Variants in CCDC88A observed in about 807,000 individuals in gnomAD.
CCDC88A encodes the protein coiled-coil and HOOK domain protein 88A.
Under a neutral mutation model 234.3 loss-of-function variants are expected in CCDC88A, and 54 were observed. The observed-to-expected ratio is 0.23, with a 90% confidence interval of 0.19 to 0.29. The LOEUF (loss-of-function observed/expected upper bound fraction) is 0.29. Ranked by LOEUF, CCDC88A falls within the 10% of genes least tolerant of loss-of-function variation. The pLI, the probability that CCDC88A is intolerant of heterozygous loss-of-function variation, is 1.00. For missense variants in CCDC88A, 1,832 were observed against 2,123.4 expected, an observed-to-expected ratio of 0.86 and a Z score of 2.70; for synonymous variants, 753 against 737.8, an observed-to-expected ratio of 1.02 and a Z score of -0.33.
intron 8 of CCDC88A, 196 bp downstream of exon 8, chr2:55,355,382 TA>T (rs1230971961): frequency 3.8e-5 from 20 of 531,064 alleles, no homozygotes; most frequent in South Asian, 1.5e-4. Flanking sequence ...AGAAAGGCCA[TA>T]AATCCAGAAT....
At chr2:55,370,902 C>T (rs1672752793) in intron 5 of CCDC88A, among the ~76,000 whole-genome samples, 1 of 151,468 alleles carries the variant, frequency 6.6e-6, no homozygotes, top group Non-Finnish European at 1.5e-5. Flanking sequence ...GTTCCAGCTG[C>T]TCAGGAGCCT....
Position 55,312,527 on chromosome 2 carries a change from T to C in CCDC88A, c.3986A>G (p.Asp1329Gly). The C allele has an allele frequency of 1.2e-6, 2 of 1,611,390 alleles. No individual in the cohort carries two copies. The highest frequency in any genetic ancestry group is 1.7e-6 in the Non-Finnish European group (2 of 1,178,966). Residue 1329 changes from aspartate (D) to glycine (G), a missense_variant, in exon 23 of 33, where the codon GAT becomes GGT. Physicochemically the swap from Asp to Gly is moderately conservative, Grantham distance 94. Around this residue, in one of 6 missense-constraint regions of CCDC88A, gnomAD observed 1,282 missense variants for 1,543.6 expected, o/e 0.83. Coordinates refer to ENST00000436346, the MANE Select transcript of CCDC88A (RefSeq NM_001365480.1). The part of the protein sequence containing the change: ...NLEEENRHLL[D>G]QIQTLMLQNR... ...CTGTAGCATTAATGTCTGAATTTGA[T>C]CTAGTAGATGCCGATTTTCTTCTTC...
chr2:55,373,155 TC>T (rs1673086307), intron 4 of CCDC88A, among the ~76,000 whole-genome samples: 1 of 152,156 alleles, frequency 6.6e-6, no homozygotes, highest in Admixed American at 6.5e-5. Context: ...AAAAATCACT[TC>T]TTTGGGCCAG....
chr2:55,387,739 G>A (rs766954988), intron 3 of CCDC88A, among the ~76,000 whole-genome samples: 7 of 130,466 alleles, frequency 5.4e-5, no homozygotes, highest in African/African-American at 9.1e-5. Flanking sequence ...ATGAGATTGC[G>A]CCACTGCACT....
Position 55,332,557 on chromosome 2 carries a change from A to C in CCDC88A, c.2855+9T>G. On this transcript the variant is annotated intron_variant, in intron 16 of 32. Transcript: ENST00000436346. This position sits in a 1 kb window ranked among gnomAD's most constrained non-coding sequence, Gnocchi z 4.5. ...TTTCAACTGTTTGCCAAGTAGACTT[A>C]GTACTCACCTGTCATCAGTACTTTG... The C allele has an allele frequency of 1.9e-6, 3 of 1,606,642 alleles. No homozygotes were observed. Among genetic ancestry groups the C allele is most frequent in the Non-Finnish European group, 2.5e-6 (3 of 1,177,672 alleles).
At chr2:55,350,973 T>C (rs1272208971) in intron 8 of CCDC88A, among the ~76,000 whole-genome samples, 1 of 152,224 alleles carries the variant, frequency 6.6e-6, no homozygotes, top group Admixed American at 6.5e-5. Flanking sequence ...TTTTTAATGG[T>C]AGAAAAATAT....
At chr2:55,356,702 G>C (rs1670632582) in intron 7 of CCDC88A, 1 of 152,086 alleles carries the variant, frequency 6.6e-6, no homozygotes, top group African/African-American at 2.4e-5. Flanking sequence ...GGCCGAGGAG[G>C]GCAGATCATG....
At chr2:55,295,140 T>C (rs749407105) in intron 31 of CCDC88A, 9 of 1,306,270 alleles carry the variant, frequency 6.9e-6, no homozygotes, top group Middle Eastern at 2.1e-4. Context: ...GTCATCAGGA[T>C]AGAGGCATGC....
At chr2:55,371,500 T>C (rs1672841890) in intron 5 of CCDC88A, among the ~76,000 whole-genome samples, 1 of 152,126 alleles carries the variant, frequency 6.6e-6, no homozygotes, top group Non-Finnish European at 1.5e-5. Flanking sequence ...ATGGCTGAAA[T>C]GAAAAACATA....
intron 28 of CCDC88A, 28 bp from the exon 29 acceptor site, chr2:55,299,947 GATAAA>G: frequency 6.5e-7 from 1 of 1,529,266 alleles, no homozygotes; most frequent in Admixed American, 1.7e-5. Context: ...GAGACAGTGT[GATAAA>G]ACTTCTAGCT....
chr2:55,306,832 TC>T (rs1681635157), intron 25 of CCDC88A, among the ~76,000 whole-genome samples: 1 of 152,164 alleles, frequency 6.6e-6, no homozygotes, highest in Admixed American at 6.5e-5. Flanking sequence ...CGCCTCAGCC[TC>T]CCAAAGTGCT....
rs1201410777 is a variant in CCDC88A at position 55,401,418 on chromosome 2, A to G, written c.165-12532T>C. Among the ~76,000 whole-genome samples the G allele has an allele frequency of 1.7e-5, 2 of 119,842 alleles. 1 individual carries two copies. The highest frequency in any genetic ancestry group is 6.0e-5 in the African/African-American group (2 of 33,528). The allele number at this position is 119,842 out of a possible 152,430, so 78.6% of individuals were successfully genotyped here. A position where few individuals can be genotyped will look rare whatever the true frequency, so the allele number is the denominator to read the frequency against. ...CACTGCATTCCAGCCTGGATGACAG[A>G]GAAAGACTCTGTCTCCAAAAAAAAA... On this transcript the variant is annotated intron_variant, in intron 2 of 32. Transcript: ENST00000436346.
chr2:55,390,233 C>A (rs899510862), intron 2 of CCDC88A, among the ~76,000 whole-genome samples: 1 of 151,988 alleles, frequency 6.6e-6, no homozygotes. Flanking sequence ...AGATTCTTAT[C>A]TTTGCTTTTG....
chr2:55,357,080 A>G (rs1438007549), intron 7 of CCDC88A, among the ~76,000 whole-genome samples: 1 of 152,164 alleles, frequency 6.6e-6, no homozygotes, highest in African/African-American at 2.4e-5. Flanking sequence ...AATTATGAAC[A>G]ACGGTTCTTG....
At chr2:55,387,779 C>CAAAAAAAAAAAAAAAAAAAAAAAA (rs66479611) in intron 3 of CCDC88A, among the ~76,000 whole-genome samples, 10 of 64,852 alleles carry the variant, frequency 1.5e-4, no homozygotes, top group Non-Finnish European at 2.4e-4. Context: ...GGCTCCATCT[C>CAAAAAAAAAAAAAAAAAAAAAAAA]AAAAAAAAAA....
At chr2:55,382,202 A>G (rs919929645) in intron 3 of CCDC88A, among the ~76,000 whole-genome samples, 21 of 152,220 alleles carry the variant, frequency 1.4e-4, no homozygotes, top group African/African-American at 5.1e-4. Flanking sequence ...TATAACAGAC[A>G]TTAAAGAAAA....
At chr2:55,389,146 G>C (rs1392434785) in intron 2 of CCDC88A, among the ~76,000 whole-genome samples, 1 of 152,110 alleles carries the variant, frequency 6.6e-6, no homozygotes, top group African/African-American at 2.4e-5. Context: ...TTGTCATGTT[G>C]CCACTCCACA....
At chr2:55,294,106 A>G in intron 31 of CCDC88A, 1 of 310,320 alleles carries the variant, frequency 3.2e-6, no homozygotes, top group Non-Finnish European at 4.7e-6. Context: ...AGAAGTAACA[A>G]TTTTTACCAC....
chr2:55,382,458 A>G (rs1674749470), intron 3 of CCDC88A, among the ~76,000 whole-genome samples: 1 of 152,166 alleles, frequency 6.6e-6, no homozygotes, highest in Admixed American at 6.5e-5. Flanking sequence ...ATACTTATTC[A>G]AACTGCGGCC....
Sources: gnomAD v4.1 joint callset for allele counts (sites outside exome capture counted in the v4.1 genomes callset) on GRCh38, gnomAD v4.1.1 for gene constraint, gnomAD v4.1.1 regional missense constraint, Gnocchi (gnomAD v3.1) non-coding constraint, MANE v1.5 for transcripts, NCBI Gene and HGNC (gene_info 2026-07-23, HGNC 2026-07-21) for gene names.